HIP1: variants seen among roughly 807,000 people sequenced by gnomAD.
The protein encoded by HIP1 is huntingtin-interacting protein 1.
Under a neutral mutation model 147.6 loss-of-function variants are expected in HIP1, and 65 were observed. That is an observed-to-expected ratio of 0.44 (90% CI 0.36 to 0.54). The LOEUF (loss-of-function observed/expected upper bound fraction) is 0.54, where lower values mean the gene tolerates loss of function less well. Among genes scored for constraint, HIP1 ranks in the 20% least tolerant of loss-of-function variants. The pLI is 0.00. For synonymous variants in HIP1, 479 were observed against 504.0 expected (o/e 0.95, Z 0.67); for missense variants, 1,061 against 1,299.6 (o/e 0.82, Z 2.82).
intron 1 of HIP1, among the ~76,000 whole-genome samples, chr7:75,712,108 T>C (rs1801180124): frequency 6.6e-6 from 1 of 152,208 alleles, no homozygotes; most frequent in Admixed American, 6.5e-5. Context: ...AATTAAAACA[T>C]TGACACCTCA....
intron 1 of HIP1, among the ~76,000 whole-genome samples, chr7:75,659,052 C>A (rs1799224818): frequency 6.6e-6 from 1 of 152,220 alleles, no homozygotes; most frequent in Non-Finnish European, 1.5e-5. Flanking sequence ...GGAAACACAT[C>A]AAGTGACATT....
At chr7:75,738,661 G>C in intron 1 of HIP1, 140 bp downstream of exon 1, 1 of 1,089,536 alleles carries the variant, frequency 9.2e-7, no homozygotes, top group Non-Finnish European at 1.3e-6. Context: ...GCCCAGATCT[G>C]CACGTCAATG....
chr7:75,584,682 A>G (rs1476936732), intron 5 of HIP1, among the ~76,000 whole-genome samples: 2 of 151,420 alleles, frequency 1.3e-5, no homozygotes, highest in Non-Finnish European at 2.9e-5. Flanking sequence ...AGGCAAAGGG[A>G]CCCCTTTGGC....
chr7:75,552,330 C>T (rs1417057471), intron 22 of HIP1, among the ~76,000 whole-genome samples: 2 of 152,060 alleles, frequency 1.3e-5, no homozygotes, highest in Non-Finnish European at 2.9e-5. Context: ...ATATACTTAA[C>T]CCAATTTCTG....
intron 1 of HIP1, among the ~76,000 whole-genome samples, chr7:75,676,883 C>A (rs1473641345): frequency 6.6e-6 from 1 of 151,894 alleles, no homozygotes; most frequent in Non-Finnish European, 1.5e-5. Flanking sequence ...TGACCTTAGG[C>A]AGCTCTGATG....
intron 1 of HIP1, among the ~76,000 whole-genome samples, chr7:75,721,528 C>CAA (rs147571067): frequency 8.3e-6 from 1 of 120,422 alleles, no homozygotes; most frequent in Admixed American, 8.5e-5. Flanking sequence ...GACCCTGTCT[C>CAA]AAAAAAAAAA....
chr7:75,664,201 T>C (rs765436400), intron 1 of HIP1, among the ~76,000 whole-genome samples: 4 of 111,656 alleles, frequency 3.6e-5, no homozygotes, highest in Non-Finnish European at 7.7e-5. Context: ...TACACACATA[T>C]ACATATGTAT....
At chr7:75,567,675 C>G (rs1160715143) in intron 9 of HIP1, among the ~76,000 whole-genome samples, 1 of 147,802 alleles carries the variant, frequency 6.8e-6, no homozygotes, top group Non-Finnish European at 1.5e-5. Context: ...GTGGTGTGTG[C>G]CTGTAGTCTC....
At chr7:75,593,629 CAAAAA>C (rs34062007) in intron 2 of HIP1, among the ~76,000 whole-genome samples, 1 of 72,254 alleles carries the variant, frequency 1.4e-5, no homozygotes, top group African/African-American at 5.5e-5. Context: ...GACTCCATCT[CAAAAA>C]AAAAAAAAAA....
At chr7:75,687,583 T>A (rs1800305644) in intron 1 of HIP1, among the ~76,000 whole-genome samples, 1 of 152,024 alleles carries the variant, frequency 6.6e-6, no homozygotes, top group African/African-American at 2.4e-5. Flanking sequence ...CCCAGCTACA[T>A]GGGAGGCTGA....
chr7:75,696,984 C>T lies in HIP1; in HGVS notation c.120+41817G>A, dbSNP rs76242467. Among the ~76,000 whole-genome samples the T allele has an allele frequency of 1.2e-4, 18 of 151,688 alleles. No homozygotes were observed. The East Asian group carries it at 3.5e-3, about 29-fold the overall frequency. The stretch of plus-strand genomic sequence containing the variant: ...TCCCAAAATGCTTCCTTCTGCCTTC[C>T]CAAGGATTTTTTTTTTTTAATGGTT... On this transcript the variant is annotated intron_variant, in intron 1 of 30. Transcript: ENST00000336926.
intron 5 of HIP1, among the ~76,000 whole-genome samples, chr7:75,584,386 C>T (rs1796176483): frequency 6.6e-6 from 1 of 152,160 alleles, no homozygotes; most frequent in Admixed American, 6.6e-5. Flanking sequence ...CCTCCTTCCC[C>T]ACTCTTGTAT....
chr7:75,671,680 A>G (rs1385655701), intron 1 of HIP1, among the ~76,000 whole-genome samples: 1 of 152,006 alleles, frequency 6.6e-6, no homozygotes, highest in African/African-American at 2.4e-5. Flanking sequence ...ATTCCCTCCA[A>G]TCATGCACAA....
intron 2 of HIP1, among the ~76,000 whole-genome samples, chr7:75,593,194 C>G (rs1440823428): frequency 6.6e-6 from 1 of 152,148 alleles, no homozygotes; most frequent in Non-Finnish European, 1.5e-5. Context: ...GTCTCAAGCT[C>G]CTGGCCTCAA....
chr7:75,608,420 A>G (rs1205498147), intron 1 of HIP1, among the ~76,000 whole-genome samples: 1 of 152,228 alleles, frequency 6.6e-6, no homozygotes, highest in Non-Finnish European at 1.5e-5. Flanking sequence ...ATGCATTAAA[A>G]GGAGGGAACG....
intron 1 of HIP1, among the ~76,000 whole-genome samples, chr7:75,614,428 G>C (rs1554505578): frequency 6.6e-6 from 1 of 152,030 alleles, no homozygotes; most frequent in African/African-American, 2.4e-5. Context: ...AGGTAGATAA[G>C]CCTCCAAAAC....
intron 5 of HIP1, 149 bp from the exon 6 acceptor site, chr7:75,582,300 C>G: frequency 1.6e-6 from 1 of 630,828 alleles, no homozygotes; most frequent in Non-Finnish European, 2.9e-6. Context: ...GTTTACAGTT[C>G]AAGGCCACTG....
At chr7:75,565,379 G>A (rs1795365728) in intron 9 of HIP1, among the ~76,000 whole-genome samples, 1 of 152,198 alleles carries the variant, frequency 6.6e-6, no homozygotes, top group Non-Finnish European at 1.5e-5. Flanking sequence ...AGGCTCAACT[G>A]CTTTCACAAG....
chr7:75,660,275 C>T (rs1302032483), intron 1 of HIP1, among the ~76,000 whole-genome samples: 1 of 149,780 alleles, frequency 6.7e-6, no homozygotes, highest in Non-Finnish European at 1.5e-5. Context: ...GCCTGTAATC[C>T]CAGCACTTTG....
Sources: allele counts gnomAD v4.1 joint callset (sites outside exome capture counted in the v4.1 genomes callset), GRCh38; gene constraint gnomAD v4.1.1; transcripts MANE v1.5; gene names NCBI Gene and HGNC (gene_info 2026-07-23, HGNC 2026-07-21).